CNTNAP2: variants seen among roughly 807,000 people sequenced by gnomAD.
The protein encoded by CNTNAP2 is contactin-associated protein-like 2.
A neutral mutation model predicts 155.2 loss-of-function variants in CNTNAP2; 98 were observed. That is an observed-to-expected ratio of 0.63 (90% CI 0.54 to 0.75). The LOEUF is 0.75. Among genes scored for constraint, CNTNAP2 ranks in the 30% least tolerant of loss-of-function variants. The pLI, the probability that CNTNAP2 is intolerant of heterozygous loss-of-function variation, is 0.00. For missense variants in CNTNAP2, 1,727 were observed against 1,688.1 expected (o/e 1.02, Z -0.40); for synonymous variants, 651 against 631.2 (o/e 1.03, Z -0.47).
chr7:146,581,840 T>C (rs998220218), intron 1 of CNTNAP2, among the ~76,000 whole-genome samples: 1 of 152,120 alleles, frequency 6.6e-6, no homozygotes, highest in Non-Finnish European at 1.5e-5. Context: ...ATAGTAGCAT[T>C]GTCTAAACTC....
chr7:147,095,086 C>T (rs1279759784), intron 4 of CNTNAP2, among the ~76,000 whole-genome samples: 2 of 151,926 alleles, frequency 1.3e-5, no homozygotes, highest in East Asian at 3.9e-4. Context: ...ATGGCGCAGT[C>T]TCGGCTCACT....
chr7:147,807,729 A>T (rs1278594717), intron 13 of CNTNAP2, among the ~76,000 whole-genome samples: 1 of 152,210 alleles, frequency 6.6e-6, no homozygotes, highest in East Asian at 1.9e-4. Context: ...AAATCACTAT[A>T]TGATGGGGGA....
chr7:148,013,125 T>G (rs1329389068), intron 15 of CNTNAP2: 1 of 152,192 alleles, frequency 6.6e-6, no homozygotes, highest in Non-Finnish European at 1.5e-5. Flanking sequence ...GCTTATTAAA[T>G]GTACTTTCCT....
chr7:147,356,878 C>T (rs1298536883), intron 9 of CNTNAP2, among the ~76,000 whole-genome samples: 3 of 152,050 alleles, frequency 2.0e-5, no homozygotes, highest in Non-Finnish European at 4.4e-5. Flanking sequence ...GAGGCTGTGT[C>T]TTGAGCAAAG....
At chr7:147,949,667 T>A (rs1800891170) in intron 14 of CNTNAP2, among the ~76,000 whole-genome samples, 1 of 152,018 alleles carries the variant, frequency 6.6e-6, no homozygotes, top group Non-Finnish European at 1.5e-5. Context: ...AGCATTCTAA[T>A]GCATGGAAAG....
chr7:146,465,277 G>C (rs1307760762), intron 1 of CNTNAP2, among the ~76,000 whole-genome samples: 2 of 152,022 alleles, frequency 1.3e-5, no homozygotes, highest in African/African-American at 4.8e-5. Flanking sequence ...AGATTATGAA[G>C]TTTGTTTTTT....
intron 3 of CNTNAP2, among the ~76,000 whole-genome samples, chr7:146,867,837 G>A (rs993992168): frequency 2.0e-5 from 3 of 151,172 alleles, no homozygotes; most frequent in African/African-American, 7.3e-5. Context: ...AGGAGTGTCT[G>A]TTCATGTCCT....
chr7:147,879,703 T>C lies in CNTNAP2; in HGVS notation c.2099-23862T>C, dbSNP rs184815016. Among the ~76,000 whole-genome samples the C allele has an allele frequency of 1.9e-3, 294 of 152,302 alleles. 3 individuals are homozygous for C. The South Asian group carries it at 0.029, about 15-fold the overall frequency. ...GCATGAAATTGTGTCTTTGAAACTATATATTATGGAGATGAGTGATACTGG... is the reference window on the plus strand; with the variant it reads ...GCATGAAATTGTGTCTTTGAAACTACATATTATGGAGATGAGTGATACTGG... On this transcript the variant is annotated intron_variant, in intron 13 of 23. Transcript: ENST00000361727.
intron 9 of CNTNAP2, among the ~76,000 whole-genome samples, chr7:147,359,206 G>A (rs1168550395): frequency 6.6e-6 from 1 of 152,068 alleles, no homozygotes; most frequent in Non-Finnish European, 1.5e-5. Flanking sequence ...CTCCACCTCT[G>A]TAAATGGCCG....
chr7:147,762,724 G>A (rs1323201127), intron 13 of CNTNAP2, among the ~76,000 whole-genome samples: 1 of 150,080 alleles, frequency 6.7e-6, no homozygotes, highest in East Asian at 2.0e-4. Context: ...ATGTATAAGT[G>A]GGGGGAGGGA....
chr7:148,309,647 C>G (rs993682534), intron 21 of CNTNAP2, among the ~76,000 whole-genome samples: 14 of 151,202 alleles, frequency 9.3e-5, no homozygotes, highest in Admixed American at 7.2e-4. Context: ...AGCTTTTGAG[C>G]CAGGATGAGC....
intron 18 of CNTNAP2, chr7:148,190,920 A>G (rs1795195436): frequency 6.6e-6 from 1 of 152,198 alleles, no homozygotes; most frequent in Non-Finnish European, 1.5e-5. Context: ...ATGCATTCAA[A>G]TCATTTTGTA....
intron 13 of CNTNAP2, among the ~76,000 whole-genome samples, chr7:147,739,892 G>A (rs1796926675): frequency 6.6e-6 from 1 of 151,962 alleles, no homozygotes; most frequent in South Asian, 2.1e-4. Flanking sequence ...ACTGATTTCA[G>A]CATTTTTGGA....
At chr7:146,649,245 A>T (rs1346532923) in intron 1 of CNTNAP2, among the ~76,000 whole-genome samples, 2 of 152,132 alleles carry the variant, frequency 1.3e-5, no homozygotes, top group Non-Finnish European at 2.9e-5. Flanking sequence ...CTTCTAGCTG[A>T]TAAATTTAGC....
At chr7:148,363,844 T>TGCGGGCGGC (rs1798673969) in intron 21 of CNTNAP2, among the ~76,000 whole-genome samples, 1 of 125,832 alleles carries the variant, frequency 7.9e-6, no homozygotes, top group Non-Finnish European at 1.8e-5. Context: ...GAACTGGGGC[T>TGCGGGCGGC]GCGTGCGGGC....
intron 10 of CNTNAP2, among the ~76,000 whole-genome samples, chr7:147,439,280 G>T (rs1160872023): frequency 1.3e-5 from 2 of 151,842 alleles, no homozygotes; most frequent in Admixed American, 1.3e-4. Context: ...GTTTTGGTAT[G>T]TTGTGTTTCC....
intron 1 of CNTNAP2, among the ~76,000 whole-genome samples, chr7:146,744,982 A>G (rs766996899): frequency 6.6e-6 from 1 of 152,162 alleles, no homozygotes; most frequent in Non-Finnish European, 1.5e-5. Flanking sequence ...TGAATATTCA[A>G]CTCCCTAATC....
intron 8 of CNTNAP2, among the ~76,000 whole-genome samples, chr7:147,232,212 G>A (rs915486264): frequency 2.0e-5 from 3 of 152,142 alleles, no homozygotes; most frequent in African/African-American, 7.2e-5. Context: ...CCATATACAT[G>A]GATTGGAAGA....
chr7:147,833,213 G>A (rs1268591059), intron 13 of CNTNAP2, among the ~76,000 whole-genome samples: 3 of 151,524 alleles, frequency 2.0e-5, no homozygotes, highest in Non-Finnish European at 2.9e-5. Flanking sequence ...GGGAACATGA[G>A]GAGATGGTAT....
Sources: allele counts gnomAD v4.1 joint callset (sites outside exome capture counted in the v4.1 genomes callset), GRCh38; gene constraint gnomAD v4.1.1; transcripts MANE v1.5; gene names NCBI Gene and HGNC (gene_info 2026-07-23, HGNC 2026-07-21).